RCN3: variants seen among roughly 807,000 people sequenced by gnomAD.
The protein encoded by RCN3 is reticulocalbin-3.
A neutral mutation model predicts 35.9 loss-of-function variants in RCN3; 41 were observed. That is an observed-to-expected ratio of 1.14 (90% CI 0.89 to 1.48). The LOEUF is 1.48. Ranked by LOEUF, RCN3 falls within the 40% of genes most tolerant of loss-of-function variation. The pLI is 0.00. For missense variants in RCN3, 451 were observed against 471.3 expected (o/e 0.96, Z 0.40); for synonymous variants, 187 against 193.4 (o/e 0.97, Z 0.27).
Position 49,542,535 on chromosome 19 carries a change from C to G in RCN3, c.680-18C>G, listed in dbSNP as rs755698018. 47 of 1,561,468 alleles carry G rather than the reference C, an allele frequency of 3.0e-5. No individual in the cohort carries two copies. Among genetic ancestry groups the G allele is most frequent in the Non-Finnish European group, 3.8e-5 (44 of 1,152,342 alleles). ...CCAGAGCTGCCCCTGACCTTGTCCC[C>G]TCTGTCCCGGCCCCCAGCGGATCTG... On this transcript the variant is annotated intron_variant, in intron 5 of 6. Coordinates refer to ENST00000270645, the MANE Select transcript of RCN3 (RefSeq NM_020650.3).
At chr19:49,532,162 A>G (rs1184953409) in intron 2 of RCN3, among the ~76,000 whole-genome samples, 7 of 115,342 alleles carry the variant, frequency 6.1e-5, no homozygotes, top group African/African-American at 1.4e-4. Flanking sequence ...CTGGAGTGCA[A>G]CGGCGCGATC....
At chr19:49,539,257 T>C (rs924108494) in intron 5 of RCN3, 78 bp downstream of exon 5, 15 of 1,158,966 alleles carry the variant, frequency 1.3e-5, no homozygotes, top group Non-Finnish European at 1.6e-5. Flanking sequence ...TAGCCGGAGG[T>C]ACATCACCCA....
At chr19:49,532,522 T>G (rs1191177636) in intron 2 of RCN3, among the ~76,000 whole-genome samples, 1 of 151,120 alleles carries the variant, frequency 6.6e-6, no homozygotes, top group Non-Finnish European at 1.5e-5. Context: ...ATTACAGGCA[T>G]CCACCACTGT....
At position 49,537,159 on chromosome 19, in the gene RCN3, T is replaced by C; in HGVS notation, c.572T>C (p.Phe191Ser). 1 of 1,582,866 alleles carries C rather than the reference T, an allele frequency of 6.3e-7. No homozygotes were observed. Among genetic ancestry groups the C allele is most frequent in the Admixed American group, 1.8e-5 (1 of 56,066 alleles). ...GCCACTCGAGAGGAGCTGACAGCCTTCCTGCACCCCGAGGAGTTCCCTCAC... is the reference window on the plus strand; with the variant it reads ...GCCACTCGAGAGGAGCTGACAGCCTCCCTGCACCCCGAGGAGTTCCCTCAC... ...SMATREELTA[F>S]LHPEEFPHMR... Residue 191 changes from phenylalanine (F) to serine (S), a missense_variant, in exon 4 of 7, where the codon TTC becomes TCC. By Grantham distance (155) the Phe-to-Ser change is radical. Transcript: ENST00000270645.
At chr19:49,533,616 C>T (rs2080119369) in intron 2 of RCN3, among the ~76,000 whole-genome samples, 1 of 146,754 alleles carries the variant, frequency 6.8e-6, no homozygotes, top group Non-Finnish European at 1.5e-5. Flanking sequence ...CTGATTCAGC[C>T]GGGAGCAGGC....
intron 5 of RCN3, 42 bp downstream of exon 5, chr19:49,539,221 T>A (rs2080151585): frequency 6.6e-7 from 1 of 1,517,320 alleles, no homozygotes; most frequent in Non-Finnish European, 9.1e-7. Flanking sequence ...CTGTCCTCTC[T>A]CAGGCATGGG....
In RCN3 at chr19:49,543,285, C is replaced by A; in HGVS notation, c.*72C>A. 8.0e-7 allele frequency: 1 copy of A among 1,253,366 alleles called. No individual in the cohort carries two copies. The highest frequency in any genetic ancestry group is 1.1e-6 in the Non-Finnish European group (1 of 869,726). 77.6% of individuals were successfully genotyped at this position (1,253,366 alleles called of 1,614,324 possible). ...GGAGGGGCCGCTGTGGTCTGGCCCCCTCCCTGTCCAGGCCCCGCAGGAGGC... is the reference window on the plus strand; with the variant it reads ...GGAGGGGCCGCTGTGGTCTGGCCCCATCCCTGTCCAGGCCCCGCAGGAGGC... On this transcript the variant is annotated 3_prime_UTR_variant, in exon 7 of 7. Coordinates refer to ENST00000270645, the MANE Select transcript of RCN3 (RefSeq NM_020650.3).
At chr19:49,528,795 A>C (rs2080094638) in intron 2 of RCN3, 81 bp downstream of exon 2, 1 of 1,410,774 alleles carries the variant, frequency 7.1e-7, no homozygotes, top group Admixed American at 2.7e-5. Context: ...GGGTCAGAGA[A>C]ATGGCGTGGA....
In RCN3 at chr19:49,543,093, A is replaced by C. The variant is rs373603856; in HGVS notation, c.880-13A>C. On this transcript the variant is annotated splice_polypyrimidine_tract_variant and intron_variant, in intron 6 of 6. Transcript: ENST00000270645. ...GCCGTGTTGTCCCCTCTGAACCCTG[A>C]CCCTCCCTCCAGGATGGGCGGCTGA... 16 of 1,610,712 alleles carry C rather than the reference A, an allele frequency of 9.9e-6. No homozygotes were observed. In the African/African-American group the frequency reaches 1.9e-4, roughly 19 times the overall value.
chr19:49,536,216 C>A (rs1256576571), intron 3 of RCN3, among the ~76,000 whole-genome samples: 7 of 150,100 alleles, frequency 4.7e-5, no homozygotes, highest in Admixed American at 4.7e-4. Context: ...GAACTCCCAA[C>A]CTCAGGTGAT....
At chr19:49,541,917 T>A (rs1472462143) in intron 5 of RCN3, among the ~76,000 whole-genome samples, 1 of 151,640 alleles carries the variant, frequency 6.6e-6, no homozygotes, top group Non-Finnish European at 1.5e-5. Flanking sequence ...GAGGCAGAGG[T>A]TGCAGTGAGC....
Position 49,528,313 on chromosome 19 carries a change from TC to T in RCN3, c.-6-149del, listed in dbSNP as rs575734448. The T allele has an allele frequency of 3.0e-4, 196 of 652,538 alleles. No homozygotes were observed. The African/African-American group carries it at 3.3e-3, about 11-fold the overall frequency. 40.4% of individuals were successfully genotyped at this position (652,538 alleles called of 1,614,324 possible). A position where few individuals can be genotyped will look rare whatever the true frequency, so the allele number is the denominator to read the frequency against. On this transcript the variant is annotated intron_variant, in intron 1 of 6. Coordinates refer to ENST00000270645, the MANE Select transcript of RCN3 (RefSeq NM_020650.3). ...TACCTCTAAGCATCCCGCCCTCTTTTCCCCCATCGCCCGCCCTTTTTGAGCC... is the reference window on the plus strand; with the variant it reads ...TACCTCTAAGCATCCCGCCCTCTTTTCCCCATCGCCCGCCCTTTTTGAGCC...
At chr19:49,532,438 C>T (rs562497093) in intron 2 of RCN3, among the ~76,000 whole-genome samples, 3 of 151,614 alleles carry the variant, frequency 2.0e-5, no homozygotes, top group East Asian at 3.9e-4. Context: ...TGCAGTGGCA[C>T]GATCTCGGCT....
intron 2 of RCN3, among the ~76,000 whole-genome samples, chr19:49,529,717 T>C (rs749857157): frequency 4.8e-4 from 72 of 149,150 alleles, no homozygotes; most frequent in Admixed American, 2.3e-3. Context: ...GGGGAGAGGT[T>C]GTTGGTGGGG....
chr19:49,538,324 G>A (rs112060049), intron 4 of RCN3, among the ~76,000 whole-genome samples: 15,189 of 150,850 alleles, frequency 0.1, 977 homozygotes, highest in African/African-American at 0.18. Flanking sequence ...CGCCATGCCC[G>A]GCTAATTTTT....
At chr19:49,533,671 A>G (rs2080119717) in intron 2 of RCN3, among the ~76,000 whole-genome samples, 1 of 116,216 alleles carries the variant, frequency 8.6e-6, no homozygotes, top group South Asian at 2.9e-4. Context: ...CTGGAGGGAG[A>G]GGAGCCTGAA....
At chr19:49,539,294 A>T in intron 5 of RCN3, 115 bp downstream of exon 5, 1 of 769,774 alleles carries the variant, frequency 1.3e-6, no homozygotes, top group East Asian at 2.6e-5. Context: ...GCCCTCAGAC[A>T]TGGGGGCAGG....
At chr19:49,535,448 A>G (rs2122726798) in intron 3 of RCN3, among the ~76,000 whole-genome samples, 1 of 152,348 alleles carries the variant, frequency 6.6e-6, no homozygotes, top group African/African-American at 2.4e-5. Context: ...AGTAGAATAC[A>G]TGGAAAAACC....
At position 49,542,543 on chromosome 19, in the gene RCN3, C is replaced by T. The variant is rs781442937; in HGVS notation, c.680-10C>T. On this transcript the variant is annotated splice_polypyrimidine_tract_variant and intron_variant, in intron 5 of 6. Transcript: ENST00000270645. ...GCCCCTGACCTTGTCCCCTCTGTCC[C>T]GGCCCCCAGCGGATCTGTACTCAGC... 39 of 1,573,154 alleles carry T rather than the reference C, an allele frequency of 2.5e-5. No homozygotes were observed. The highest frequency in any genetic ancestry group is 4.7e-5 in the South Asian group (4 of 85,616).
Sources: allele counts gnomAD v4.1 joint callset (sites outside exome capture counted in the v4.1 genomes callset), GRCh38; gene constraint gnomAD v4.1.1; transcripts MANE v1.5; gene names NCBI Gene and HGNC (gene_info 2026-07-23, HGNC 2026-07-21).